The following KCNG2 variants were observed in gnomAD, a reference collection of about 807,000 sequenced individuals.
KCNG2 encodes the protein potassium voltage-gated channel modifier subfamily G member 2, also known as voltage-gated potassium channel regulatory subunit KCNG2.
A neutral mutation model predicts 12.3 loss-of-function variants in KCNG2; 7 were observed. The observed-to-expected ratio is 0.57, with a 90% confidence interval of 0.32 to 1.07. KCNG2 has a LOEUF of 1.07. KCNG2 is among the 50% of genes least tolerant of loss of function. The pLI is 0.04. For missense variants in KCNG2, 703 were observed against 726.0 expected (o/e 0.97, Z 0.36); for synonymous variants, 414 against 351.4 (o/e 1.18, Z -1.99).
intron 1 of KCNG2, among the ~76,000 whole-genome samples, chr18:79,851,832 G>A (rs1000300331): frequency 3.9e-5 from 6 of 152,176 alleles, no homozygotes; most frequent in African/African-American, 1.4e-4. Context: ...ATGGGTGTGT[G>A]TGAATATGAG....
At chr18:79,801,196 A>T (rs2087407136) in intron 1 of KCNG2, among the ~76,000 whole-genome samples, 1 of 152,288 alleles carries the variant, frequency 6.6e-6, no homozygotes. Context: ...GAAACCATGC[A>T]GTATTTTAAT....
chr18:79,816,545 G>A (rs2087530110), intron 1 of KCNG2: 1 of 152,228 alleles, frequency 6.6e-6, no homozygotes. Flanking sequence ...TGGACGGTGT[G>A]GGAATGAGAC....
At position 79,800,563 on chromosome 18, in the gene KCNG2, C is replaced by T. The variant is rs553795310; in HGVS notation, c.-115+2549C>T. On this transcript the variant is annotated intron_variant, in intron 1 of 3. Transcript: ENST00000316249. The surrounding 1 kb of genome is among the most constrained non-coding windows in gnomAD (Gnocchi z 4.0). ...CGGCTGAATCAGAGCCTGCCTCTGA[C>T]GAGACATGTACCCCGCCTTCCCGTG... 4.6e-5 allele frequency among the ~76,000 whole-genome samples: 7 copies of T among 152,350 alleles called. No homozygotes were observed. In the East Asian group the frequency reaches 7.7e-4, roughly 17 times the overall value.
chr18:79,894,680 C>T lies in KCNG2; in HGVS notation c.625-4360C>T, dbSNP rs980465179. Among the ~76,000 whole-genome samples the T allele has an allele frequency of 1.5e-3, 213 of 138,102 alleles. 7 individuals are homozygous for T. The highest frequency in any genetic ancestry group is 5.6e-3 in the African/African-American group (206 of 37,050). 90.6% of individuals were successfully genotyped at this position (138,102 alleles called of 152,430 possible). On this transcript the variant is annotated intron_variant, in intron 3 of 3. Coordinates refer to ENST00000316249, the MANE Select transcript of KCNG2 (RefSeq NM_012283.2). ...TTCACTCCATTCACATCTAATGTTA[C>T]GATTGATATAGTGGGGTCTGTGTCT...
intron 3 of KCNG2, among the ~76,000 whole-genome samples, chr18:79,881,074 CTTCAGCACCTG>C (rs1421957798): frequency 6.6e-6 from 1 of 152,238 alleles, no homozygotes. Context: ...CCCCACTCCT[CTTCAGCACCTG>C]TTGGCAGTCC....
At chr18:79,887,649 C>T (rs988699257) in intron 3 of KCNG2, among the ~76,000 whole-genome samples, 1 of 152,192 alleles carries the variant, frequency 6.6e-6, no homozygotes, top group Non-Finnish European at 1.5e-5. Flanking sequence ...CCTGGCGTCC[C>T]GAGGGCTCAC....
At chr18:79,811,034 T>G (rs1355405457) in intron 1 of KCNG2, among the ~76,000 whole-genome samples, 1 of 152,208 alleles carries the variant, frequency 6.6e-6, no homozygotes, top group Non-Finnish European at 1.5e-5. Context: ...CAAAGAGGTG[T>G]AAGACTTGTA....
At chr18:79,879,076 G>A (rs944327903) in intron 3 of KCNG2, among the ~76,000 whole-genome samples, 2 of 152,236 alleles carry the variant, frequency 1.3e-5, no homozygotes, top group African/African-American at 4.8e-5. Flanking sequence ...CCTGGAGGGT[G>A]GTAGCGTGCC....
chr18:79,876,450 C>T (rs892937896), intron 3 of KCNG2, among the ~76,000 whole-genome samples: 4 of 152,222 alleles, frequency 2.6e-5, no homozygotes, highest in Non-Finnish European at 4.4e-5. Flanking sequence ...CTGCAGTTCC[C>T]GGGAAACAGC....
intron 3 of KCNG2, among the ~76,000 whole-genome samples, chr18:79,887,140 G>A (rs1183729712): frequency 1.3e-5 from 2 of 149,088 alleles, no homozygotes; most frequent in African/African-American, 5.1e-5. Context: ...CTAGGGACAC[G>A]GACAGGGACA....
chr18:79,840,286 A>G (rs1472986731), intron 1 of KCNG2, among the ~76,000 whole-genome samples: 4 of 152,238 alleles, frequency 2.6e-5, no homozygotes, highest in African/African-American at 7.2e-5. Context: ...ATTGCAAGAC[A>G]TAAGATAAAC....
chr18:79,899,853 C>G lies in KCNG2; in HGVS notation c.*37C>G. The G allele has an allele frequency of 7.7e-7, 1 of 1,305,028 alleles. No individual in the cohort carries two copies. The highest frequency in any genetic ancestry group is 3.2e-5 in the East Asian group (1 of 31,346). The allele number at this position is 1,305,028 out of a possible 1,614,324, so 80.8% of individuals were successfully genotyped here. A position where few individuals can be genotyped will look rare whatever the true frequency, so the allele number is the denominator to read the frequency against. ...CCCACACGGAGACCCCCTGCCCCCT[C>G]CAGCTGCAGCGTCGGGACCCCCGAG... On this transcript the variant is annotated 3_prime_UTR_variant, in exon 4 of 4. Transcript: ENST00000316249.
At chr18:79,834,535 G>A (rs1978313235) in intron 1 of KCNG2, among the ~76,000 whole-genome samples, 1 of 152,186 alleles carries the variant, frequency 6.6e-6, no homozygotes, top group South Asian at 2.1e-4. Context: ...GAGAAAGTGG[G>A]ACCGGGGTCC....
intron 1 of KCNG2, among the ~76,000 whole-genome samples, chr18:79,828,573 G>C (rs536286925): frequency 2.0e-4 from 31 of 152,150 alleles, no homozygotes; most frequent in African/African-American, 7.2e-4. Flanking sequence ...GTGCATGTCT[G>C]TGTGCATGTG....
At chr18:79,882,116 G>A (rs758671565) in intron 3 of KCNG2, among the ~76,000 whole-genome samples, 16 of 152,226 alleles carry the variant, frequency 1.1e-4, no homozygotes, top group Non-Finnish European at 2.4e-4. Context: ...AGAAAACATA[G>A]AGGTGGCCTT....
At chr18:79,829,633 G>A (rs576289537) in intron 1 of KCNG2, among the ~76,000 whole-genome samples, 67 of 152,134 alleles carry the variant, frequency 4.4e-4, no homozygotes, top group Non-Finnish European at 8.5e-4. Context: ...ACAGCTGGTC[G>A]GACTCTGCCT....
intron 1 of KCNG2, among the ~76,000 whole-genome samples, chr18:79,845,027 C>A (rs534683731): frequency 1.3e-5 from 2 of 152,174 alleles, no homozygotes; most frequent in Non-Finnish European, 2.9e-5. Flanking sequence ...CCAAAATGTT[C>A]TCCCACTTGT....
In KCNG2 at chr18:79,800,463, C is replaced by T. The variant is rs950212360; in HGVS notation, c.-115+2449C>T. Among the ~76,000 whole-genome samples, 7 of 152,262 alleles carry T rather than the reference C, an allele frequency of 4.6e-5. No homozygotes were observed. In the South Asian group the frequency reaches 6.2e-4, roughly 14 times the overall value. On this transcript the variant is annotated intron_variant, in intron 1 of 3. Transcript: ENST00000316249. This position sits in a 1 kb window ranked among gnomAD's most constrained non-coding sequence, Gnocchi z 4.0. ...CCGGTAGGCATGAGTCCAACGAGGG[C>T]GGGCATTGACCGAGGTAGTTTAAGA...
Position 79,824,322 on chromosome 18 carries a change from T to A in KCNG2, c.-115+26308T>A, listed in dbSNP as rs558090072. On this transcript the variant is annotated intron_variant, in intron 1 of 3. Coordinates refer to ENST00000316249, the MANE Select transcript of KCNG2 (RefSeq NM_012283.2). ...CATAAATGGACTTTTCCAATGATTG[T>A]GTTCTTTGTTGTTTGTGTATAGGAA... Among the ~76,000 whole-genome samples, 7 of 152,360 alleles carry A rather than the reference T, an allele frequency of 4.6e-5. No homozygotes were observed. In the East Asian group the frequency reaches 1.3e-3, roughly 29 times the overall value.
Sources: gnomAD v4.1 joint callset for allele counts (sites outside exome capture counted in the v4.1 genomes callset) on GRCh38, gnomAD v4.1.1 for gene constraint, Gnocchi (gnomAD v3.1) non-coding constraint, MANE v1.5 for transcripts, NCBI Gene and HGNC (gene_info 2026-07-23, HGNC 2026-07-21) for gene names.